Variants in HTR1E observed in about 807,000 individuals in gnomAD.
HTR1E encodes 5-HT-1E.
A neutral mutation model predicts 3.4 loss-of-function variants in HTR1E; 3 were observed. That is an observed-to-expected ratio of 0.89 (90% confidence interval 0.41 to 2.31). The LOEUF (loss-of-function observed/expected upper bound fraction) is 2.31, where lower values mean the gene tolerates loss of function less well. HTR1E is among the 30% of genes most tolerant of loss of function. The pLI is 0.05. For missense variants in HTR1E, 392 were observed against 467.0 expected (o/e 0.84, Z 1.48); for synonymous variants, 170 against 182.8 (o/e 0.93, Z 0.56).
chr6:86,999,272 T>A (rs1562071163), intron 1 of HTR1E, among the ~76,000 whole-genome samples: 1 of 151,724 alleles, frequency 6.6e-6, no homozygotes, highest in Non-Finnish European at 1.5e-5. Flanking sequence ...AGTTTTGGGG[T>A]TTTTTTGTTT....
At chr6:87,008,085 T>G (rs1582283523) in intron 1 of HTR1E, among the ~76,000 whole-genome samples, 1 of 152,222 alleles carries the variant, frequency 6.6e-6, no homozygotes, top group Non-Finnish European at 1.5e-5. Flanking sequence ...CTATGCACTG[T>G]TTTGAGATTA....
rs1205009287 is a variant in HTR1E at position 86,999,271 on chromosome 6, GTTTT to G, written c.-185-15875_-185-15872del. 3.9e-5 allele frequency among the ~76,000 whole-genome samples: 6 copies of G among 152,056 alleles called. No homozygotes were observed. The East Asian group carries it at 1.2e-3, about 29-fold the overall frequency. On this transcript the variant is annotated intron_variant, in intron 1 of 1. Transcript: ENST00000305344. ...GCCACCATGCCGGGCCAGTTTTGGG[GTTTT>G]TTTGTTTTGTTTTTCAAAAATAGGT...
chr6:86,950,873 CTT>C, intron 1 of HTR1E, among the ~76,000 whole-genome samples: 1 of 152,286 alleles, frequency 6.6e-6, no homozygotes, highest in African/African-American at 2.4e-5. Context: ...CAGGGGCAAA[CTT>C]GGGAAGATTT....
intron 1 of HTR1E, among the ~76,000 whole-genome samples, chr6:86,968,040 A>T (rs944893956): frequency 5.9e-5 from 9 of 152,210 alleles, no homozygotes; most frequent in Non-Finnish European, 1.3e-4. Flanking sequence ...ATAATAAATG[A>T]GTTTACTAAC....
At chr6:86,981,422 C>G (rs2127825561) in intron 1 of HTR1E, among the ~76,000 whole-genome samples, 1 of 152,310 alleles carries the variant, frequency 6.6e-6, no homozygotes, top group Middle Eastern at 3.4e-3. Context: ...ATAAATTATG[C>G]TTACCATTTC....
At chr6:86,956,644 C>T (rs1390104212) in intron 1 of HTR1E, among the ~76,000 whole-genome samples, 4 of 152,090 alleles carry the variant, frequency 2.6e-5, no homozygotes, top group Non-Finnish European at 2.9e-5. Context: ...CAACCATCTG[C>T]GTACATGTTC....
intron 1 of HTR1E, among the ~76,000 whole-genome samples, chr6:86,984,486 C>T (rs756246332): frequency 6.6e-6 from 1 of 152,150 alleles, no homozygotes; most frequent in Non-Finnish European, 1.5e-5. Context: ...TGTACTCTAA[C>T]CAGCAGCAAG....
At chr6:87,007,075 A>T (rs1400223796) in intron 1 of HTR1E, among the ~76,000 whole-genome samples, 2 of 152,220 alleles carry the variant, frequency 1.3e-5, no homozygotes, top group African/African-American at 4.8e-5. Flanking sequence ...GTACCCTGGA[A>T]CTTAAAATAA....
Position 87,011,800 on chromosome 6 carries a change from A to T in HTR1E, c.-185-3350A>T, listed in dbSNP as rs191942723. On this transcript the variant is annotated intron_variant, in intron 1 of 1. Coordinates refer to ENST00000305344, the MANE Select transcript of HTR1E (RefSeq NM_000865.3). ...AAGCCAAGCCCATAGGAGATTTATT[A>T]ATAAAAGATTTGTAAATAAGTAAAA... 1.2e-4 allele frequency among the ~76,000 whole-genome samples: 19 copies of T among 152,318 alleles called. No homozygotes were observed. The East Asian group carries it at 3.7e-3, about 29-fold the overall frequency.
At chr6:86,984,639 C>T (rs749497897) in intron 1 of HTR1E, among the ~76,000 whole-genome samples, 1 of 152,170 alleles carries the variant, frequency 6.6e-6, no homozygotes, top group Non-Finnish European at 1.5e-5. Flanking sequence ...TTATTTCTTA[C>T]TCAGATAATG....
At chr6:86,957,952 A>G in intron 1 of HTR1E, among the ~76,000 whole-genome samples, 1 of 152,138 alleles carries the variant, frequency 6.6e-6, no homozygotes, top group East Asian at 1.9e-4. Context: ...CTTCCATAAT[A>G]GTAAAATTTT....
At chr6:86,966,200 G>A (rs1170030651) in intron 1 of HTR1E, among the ~76,000 whole-genome samples, 1 of 151,906 alleles carries the variant, frequency 6.6e-6, no homozygotes, top group African/African-American at 2.4e-5. Context: ...CTAAGAAGAG[G>A]GAAGAAGGAA....
At chr6:86,973,027 A>G (rs1767581596) in intron 1 of HTR1E, among the ~76,000 whole-genome samples, 1 of 152,166 alleles carries the variant, frequency 6.6e-6, no homozygotes, top group African/African-American at 2.4e-5. Flanking sequence ...CTAGTTAGCT[A>G]GTTCTTTATT....
At chr6:86,969,058 T>C (rs1384128514) in intron 1 of HTR1E, among the ~76,000 whole-genome samples, 1 of 152,210 alleles carries the variant, frequency 6.6e-6, no homozygotes, top group African/African-American at 2.4e-5. Context: ...GAGTTTGAAA[T>C]ACTTCTGTCA....
At chr6:86,979,472 C>T (rs984690514) in intron 1 of HTR1E, among the ~76,000 whole-genome samples, 1 of 152,088 alleles carries the variant, frequency 6.6e-6, no homozygotes, top group Non-Finnish European at 1.5e-5. Context: ...TGAAATAAGA[C>T]GTATTTTTTA....
intron 1 of HTR1E, among the ~76,000 whole-genome samples, chr6:86,950,565 T>C (rs1390401698): frequency 2.6e-5 from 4 of 152,210 alleles, no homozygotes; most frequent in African/African-American, 9.7e-5. Context: ...AATAATATCA[T>C]GTAATGATAA....
chr6:86,997,950 T>A (rs1442258782), intron 1 of HTR1E, among the ~76,000 whole-genome samples: 2 of 151,972 alleles, frequency 1.3e-5, no homozygotes, highest in Admixed American at 1.3e-4. Flanking sequence ...ATGGCTATAT[T>A]AATATTATAC....
chr6:87,004,271 A>AC lies in HTR1E; in HGVS notation c.-185-10873dup, dbSNP rs1277783261. 2.6e-5 allele frequency among the ~76,000 whole-genome samples: 4 copies of AC among 152,090 alleles called. No individual in the cohort carries two copies. In the East Asian group the frequency reaches 7.7e-4, roughly 29 times the overall value. On this transcript the variant is annotated intron_variant, in intron 1 of 1. Transcript: ENST00000305344. ...ACATTTATTCTGTGAAGCCAGTATTACCCCCCAGACAAAGATATCAAAAAT... is the reference window on the plus strand; with the variant it reads ...ACATTTATTCTGTGAAGCCAGTATTACCCCCCCAGACAAAGATATCAAAAAT...
At chr6:86,946,043 T>C (rs1441825281) in intron 1 of HTR1E, among the ~76,000 whole-genome samples, 1 of 152,164 alleles carries the variant, frequency 6.6e-6, no homozygotes. Flanking sequence ...CCGGCCTAAT[T>C]AAAAAGTTTA....
Sources: gnomAD v4.1 joint callset for allele counts (sites outside exome capture counted in the v4.1 genomes callset) on GRCh38, gnomAD v4.1.1 for gene constraint, MANE v1.5 for transcripts, NCBI Gene and HGNC (gene_info 2026-07-23, HGNC 2026-07-21) for gene names.